ARK2N: variants seen among roughly 807,000 people sequenced by gnomAD.
ARK2N encodes arkadia (RNF111) N-terminal like PKA signaling regulator 2N.
At chr18:46,174,280 C>T in the ARK2N span, 1 of 152,302 alleles carries the variant, frequency 6.6e-6, no homozygotes, top group Admixed American at 6.5e-5. Flanking sequence ...CGTGCCCCGA[C>T]GGGGCGCGCG....
At chr18:46,192,775 G>T in the ARK2N span, among the ~76,000 whole-genome samples, 1 of 151,106 alleles carries the variant, frequency 6.6e-6, no homozygotes, top group African/African-American at 2.4e-5. Context: ...TCACTATGTT[G>T]GCCAGGCTGG....
At chr18:46,195,008 A>G in the ARK2N span, among the ~76,000 whole-genome samples, 1 of 150,296 alleles carries the variant, frequency 6.7e-6, no homozygotes, top group Admixed American at 6.6e-5. Context: ...CGCCATGTTG[A>G]CTAGGCTGGT....
the ARK2N span, among the ~76,000 whole-genome samples, chr18:46,187,410 C>T: frequency 2.1e-3 from 321 of 150,490 alleles, no homozygotes; most frequent in Non-Finnish European, 3.4e-3. Context: ...AGCGCCATCT[C>T]GGCTCACTGC....
the ARK2N span, among the ~76,000 whole-genome samples, chr18:46,182,146 G>A: frequency 6.6e-6 from 1 of 152,100 alleles, no homozygotes; most frequent in African/African-American, 2.4e-5. Context: ...TCTGTATTAA[G>A]AACAAAAACT....
At chr18:46,214,300 A>G in the ARK2N span, among the ~76,000 whole-genome samples, 2 of 152,194 alleles carry the variant, frequency 1.3e-5, no homozygotes, top group African/African-American at 4.8e-5. Flanking sequence ...TACCGTATAG[A>G]ATAATGGTTA....
At chr18:46,241,569 A>G in the ARK2N span, among the ~76,000 whole-genome samples, 1 of 151,914 alleles carries the variant, frequency 6.6e-6, no homozygotes, top group African/African-American at 2.4e-5. Flanking sequence ...TAACAATACA[A>G]AAATTAGCTG....
At chr18:46,243,275 A>G in the ARK2N span, among the ~76,000 whole-genome samples, 1 of 152,222 alleles carries the variant, frequency 6.6e-6, no homozygotes, top group East Asian at 1.9e-4. Context: ...TTGGACTATT[A>G]GTCAGATGGT....
the ARK2N span, among the ~76,000 whole-genome samples, chr18:46,198,486 A>G: frequency 3.9e-5 from 6 of 152,142 alleles, no homozygotes; most frequent in African/African-American, 2.4e-5. Context: ...TCACCTTCCT[A>G]CTTTTCACAA....
the ARK2N span, among the ~76,000 whole-genome samples, chr18:46,257,095 G>T: frequency 3.3e-5 from 5 of 152,186 alleles, no homozygotes; most frequent in Non-Finnish European, 5.9e-5. Context: ...TGATTTGCAT[G>T]TATAGAGTAG....
the ARK2N span, among the ~76,000 whole-genome samples, chr18:46,260,705 T>C: frequency 6.6e-6 from 1 of 152,250 alleles, no homozygotes; most frequent in South Asian, 2.1e-4. Flanking sequence ...TTGCCGCTTA[T>C]TGAATGGCCC....
At chr18:46,225,211 A>G in the ARK2N span, among the ~76,000 whole-genome samples, 1 of 152,248 alleles carries the variant, frequency 6.6e-6, no homozygotes, top group Non-Finnish European at 1.5e-5. Flanking sequence ...AAGTGCTTAC[A>G]TGGCAGATGC....
At chr18:46,231,172 A>T in the ARK2N span, among the ~76,000 whole-genome samples, 1 of 152,250 alleles carries the variant, frequency 6.6e-6, no homozygotes, top group African/African-American at 2.4e-5. Flanking sequence ...TTAAGGCTTA[A>T]TATTTTACAT....
chr18:46,180,566 C>T, the ARK2N span, among the ~76,000 whole-genome samples: 2 of 152,254 alleles, frequency 1.3e-5, no homozygotes, highest in African/African-American at 4.8e-5. Flanking sequence ...ATTAGTTGGG[C>T]ATGGTGGCGC....
the ARK2N span, among the ~76,000 whole-genome samples, chr18:46,257,048 G>C: frequency 2.0e-4 from 30 of 152,050 alleles, no homozygotes; most frequent in Admixed American, 1.2e-3. Context: ...CTTGGAAAAA[G>C]GTTTTAGGTT....
the ARK2N span, among the ~76,000 whole-genome samples, chr18:46,189,333 G>C: frequency 1.3e-3 from 204 of 152,060 alleles, no homozygotes; most frequent in African/African-American, 4.8e-3. Flanking sequence ...ATGAAATGTA[G>C]ATGTGCTTTT....
At chr18:46,197,123 G>A in the ARK2N span, among the ~76,000 whole-genome samples, 8 of 152,212 alleles carry the variant, frequency 5.3e-5, no homozygotes, top group African/African-American at 1.7e-4. Flanking sequence ...TTTGAAGGGA[G>A]GAACATTAAA....
the ARK2N span, among the ~76,000 whole-genome samples, chr18:46,247,818 C>T: frequency 3.3e-5 from 5 of 152,308 alleles, no homozygotes; most frequent in East Asian, 7.7e-4. Flanking sequence ...ACTACAGGGG[C>T]GTACCACCAT....
chr18:46,207,490 A>G, the ARK2N span, among the ~76,000 whole-genome samples: 1 of 151,214 alleles, frequency 6.6e-6, no homozygotes. Flanking sequence ...TCTGGGTTCA[A>G]GCCATTCTCC....
the ARK2N span, among the ~76,000 whole-genome samples, chr18:46,222,087 C>G: frequency 5.3e-5 from 8 of 152,222 alleles, no homozygotes; most frequent in African/African-American, 1.4e-4. Flanking sequence ...TTTAAACCAT[C>G]TGATGCCCAG....
Sources: allele counts gnomAD v4.1 joint callset (sites outside exome capture counted in the v4.1 genomes callset), GRCh38; gene constraint gnomAD v4.1.1; transcripts MANE v1.5; gene names NCBI Gene and HGNC (gene_info 2026-07-23, HGNC 2026-07-21).